Variants in SLC9A5 observed in about 807,000 individuals in gnomAD.
SLC9A5 encodes sodium/hydrogen exchanger 5.
Under a neutral mutation model 91.7 loss-of-function variants are expected in SLC9A5, and 52 were observed. The observed-to-expected ratio is 0.57, with a 90% CI of 0.45 to 0.71. The LOEUF (loss-of-function observed/expected upper bound fraction) is 0.71. SLC9A5 is among the 30% of genes least tolerant of loss of function. SLC9A5 has a pLI of 0.00. For missense variants in SLC9A5, 871 were observed against 1,158.9 expected (o/e 0.75, Z 3.61); for synonymous variants, 419 against 474.5 (o/e 0.88, Z 1.52).
chr16:67,260,044 C>G, intron 12 of SLC9A5, 98 bp downstream of exon 12: 1 of 1,491,742 alleles, frequency 6.7e-7, no homozygotes, highest in East Asian at 2.4e-5. Flanking sequence ...GCTGCAGATG[C>G]CCAGCTAAAG....
chr16:67,249,245 AC>A, intron 1 of SLC9A5, 44 bp downstream of exon 1: 1 of 1,345,548 alleles, frequency 7.4e-7, no homozygotes, highest in Non-Finnish European at 9.6e-7. Flanking sequence ...CCAGCGGCGG[AC>A]CCGCCCCCAA....
At position 67,266,181 on chromosome 16, in the gene SLC9A5, T is replaced by A; in HGVS notation, c.2174T>A (p.Val725Glu). 1 of 1,609,756 alleles carries A rather than the reference T, an allele frequency of 6.2e-7. No individual in the cohort carries two copies. Residue 725 changes from valine to glutamate, a missense_variant, in exon 15 of 16, where the codon GTG becomes GAG. Coordinates refer to ENST00000299798, the MANE Select transcript of SLC9A5 (RefSeq NM_004594.3). ...GAGGACGATGAGGGGATCATCTTTGTGGCTCGTGCCACCAGTGAGGTTCTC... is the reference window on the plus strand; with the variant it reads ...GAGGACGATGAGGGGATCATCTTTGAGGCTCGTGCCACCAGTGAGGTTCTC... Reference protein sequence around the residue: ...EKEDDEGIIFVARATSEVLQE... With the variant: ...EKEDDEGIIFEARATSEVLQE...
chr16:67,260,525 C>T (rs1422313013), intron 12 of SLC9A5, among the ~76,000 whole-genome samples: 1 of 152,006 alleles, frequency 6.6e-6, no homozygotes, highest in African/African-American at 2.4e-5. Context: ...AGTTGAGAAG[C>T]TGGGACAGCC....
At chr16:67,263,622 A>G (rs893560014) in intron 12 of SLC9A5, 1 of 152,214 alleles carries the variant, frequency 6.6e-6, no homozygotes, top group African/African-American at 2.4e-5. Context: ...TGTCTCTACT[A>G]AAAATACAAA....
In SLC9A5 at chr16:67,258,793, C is replaced by T. The variant is rs539110884; in HGVS notation, c.1626+346C>T. On this transcript the variant is annotated intron_variant, in intron 10 of 15. Transcript: ENST00000299798. The surrounding 1 kb of genome is among the most constrained non-coding windows in gnomAD (Gnocchi z 4.5). ...GGGCACGGTGGCTCACGCCTGTAAT[C>T]CCAGCACTGTGGGAGCCTGAGGTGG... 7.6e-4 allele frequency among the ~76,000 whole-genome samples: 116 copies of T among 152,306 alleles called. No homozygotes were observed. The highest frequency in any genetic ancestry group is 2.4e-3 in the African/African-American group (101 of 41,556).
intron 15 of SLC9A5, among the ~76,000 whole-genome samples, chr16:67,268,823 C>A (rs1212326003): frequency 6.7e-6 from 1 of 149,676 alleles, no homozygotes; most frequent in Non-Finnish European, 1.5e-5. Context: ...TGCCCAGAGA[C>A]ATTTTTGGTT....
rs1426337337 is a variant in SLC9A5, at chr16:67,264,326, T to C, written c.1843-26T>C. The C allele has an allele frequency of 3.7e-6, 6 of 1,610,630 alleles. No individual in the cohort carries two copies. In the Middle Eastern group the frequency reaches 5.4e-4, roughly 144 times the overall value. ...TGGGAGGCCAAGGCATCCATCCTCATAGCCAGGCGGGGCTGTCATTGCCAG... is the reference window on the plus strand; with the variant it reads ...TGGGAGGCCAAGGCATCCATCCTCACAGCCAGGCGGGGCTGTCATTGCCAG... On this transcript the variant is annotated intron_variant, in intron 12 of 15. Transcript: ENST00000299798.
chr16:67,256,200 C>G lies in SLC9A5; in HGVS notation c.912-269C>G, dbSNP rs924950141. On this transcript the variant is annotated intron_variant, in intron 5 of 15. Transcript: ENST00000299798. The surrounding 1 kb of genome is among the most constrained non-coding windows in gnomAD (Gnocchi z 4.1). ...GCCTGGGGCCACCAGCTCTGGAGGC[C>G]GCAGCACTCCAGAAGGTGCATTAGA... 6.6e-6 allele frequency among the ~76,000 whole-genome samples: 1 copy of G among 152,106 alleles called. No individual in the cohort carries two copies. Among genetic ancestry groups the G allele is most frequent in the Non-Finnish European group, 1.5e-5 (1 of 68,014 alleles).
rs557881561 is a variant in SLC9A5, at chr16:67,255,567, G to A, written c.733+96G>A. ...CGCATCAGGACAGAAGAGGCTATTCGGGTTGCCTCATCTCCTCTATAGAGA... is the reference window on the plus strand; with the variant it reads ...CGCATCAGGACAGAAGAGGCTATTCAGGTTGCCTCATCTCCTCTATAGAGA... On this transcript the variant is annotated intron_variant, in intron 4 of 15. Coordinates refer to ENST00000299798, the MANE Select transcript of SLC9A5 (RefSeq NM_004594.3). The surrounding 1 kb of genome is among the most constrained non-coding windows in gnomAD (Gnocchi z 4.9). 50 of 1,388,836 alleles carry A rather than the reference G, an allele frequency of 3.6e-5. No individual in the cohort carries two copies. In the East Asian group the frequency reaches 3.7e-4, roughly 10 times the overall value. 86.0% of individuals were successfully genotyped at this position (1,388,836 alleles called of 1,614,324 possible).
At position 67,265,032 on chromosome 16, in the gene SLC9A5, G is replaced by T; in HGVS notation, c.2014-8G>T. 1 of 1,614,146 alleles carries T rather than the reference G, an allele frequency of 6.2e-7. No homozygotes were observed. Among genetic ancestry groups the T allele is most frequent in the Non-Finnish European group, 8.5e-7 (1 of 1,180,006 alleles). On this transcript the variant is annotated splice_region_variant and splice_polypyrimidine_tract_variant and intron_variant, in intron 13 of 15. Coordinates refer to ENST00000299798, the MANE Select transcript of SLC9A5 (RefSeq NM_004594.3). Reference sequence around the variant, plus strand: ...CCAGAGGCTCAGGTTTTCTTTCTTGGTCCTCAGAAGGATGGTGTGGCGAAT... The same window carrying T: ...CCAGAGGCTCAGGTTTTCTTTCTTGTTCCTCAGAAGGATGGTGTGGCGAAT...
intron 15 of SLC9A5, among the ~76,000 whole-genome samples, chr16:67,269,193 G>A (rs2035840300): frequency 6.6e-6 from 1 of 152,006 alleles, no homozygotes. Flanking sequence ...GGAGGCCAAG[G>A]TGTGCAGATC....
chr16:67,256,753 T>A lies in SLC9A5; in HGVS notation c.1132+64T>A. 1 of 1,393,254 alleles carries A rather than the reference T, an allele frequency of 7.2e-7. No individual in the cohort carries two copies. Among genetic ancestry groups the A allele is most frequent in the Non-Finnish European group, 1.0e-6 (1 of 985,286 alleles). The allele number at this position is 1,393,254 out of a possible 1,614,324, so 86.3% of individuals were successfully genotyped here. On this transcript the variant is annotated intron_variant, in intron 6 of 15. Transcript: ENST00000299798. The surrounding 1 kb of genome is among the most constrained non-coding windows in gnomAD (Gnocchi z 4.1). ...GTCCCGCCCCTCCCTGCAGCTCATC[T>A]CCCTATCTGAGTCCACATCTTTGTC...
chr16:67,258,585 G>T lies in SLC9A5; in HGVS notation c.1626+138G>T. The T allele has an allele frequency of 9.9e-7, 1 of 1,007,194 alleles. No individual in the cohort carries two copies. The highest frequency in any genetic ancestry group is 3.2e-4 in the Middle Eastern group (1 of 3,172). The allele number at this position is 1,007,194 out of a possible 1,614,324, so 62.4% of individuals were successfully genotyped here. On this transcript the variant is annotated intron_variant, in intron 10 of 15. Transcript: ENST00000299798. This position sits in a 1 kb window ranked among gnomAD's most constrained non-coding sequence, Gnocchi z 4.5. ...GCTGGCTCCATGGTCTGGTGAAGTG[G>T]CAGCGGCAGGAAGCAGCTGGGTCTG...
Position 67,265,059 on chromosome 16 carries a change from C to T in SLC9A5, c.2033C>T (p.Ala678Val). 6.2e-7 allele frequency: 1 copy of T among 1,614,104 alleles called. No homozygotes were observed. Among genetic ancestry groups the T allele is most frequent in the Non-Finnish European group, 8.5e-7 (1 of 1,180,012 alleles). Residue 678 changes from alanine (A) to valine (V), a missense_variant, in exon 14 of 16, where the codon GCT becomes GTT. This residue lies in a region of SLC9A5 where 295 missense variants were observed against 326.0 expected (regional missense o/e 0.90). Coordinates refer to ENST00000299798, the MANE Select transcript of SLC9A5 (RefSeq NM_004594.3). ...CCTCAGAAGGATGGTGTGGCGAATGCTGAGGCTACAAATGGGAAACATCGA... is the reference window on the plus strand; with the variant it reads ...CCTCAGAAGGATGGTGTGGCGAATGTTGAGGCTACAAATGGGAAACATCGA... ...GRRKKDGVAN[A>V]EATNGKHRGL... is the part of the protein sequence containing the mutation.
At position 67,266,026 on chromosome 16, in the gene SLC9A5, G is replaced by A. The variant is rs957512794; in HGVS notation, c.2081-62G>A. 15 of 1,599,206 alleles carry A rather than the reference G, an allele frequency of 9.4e-6. No homozygotes were observed. The African/African-American group carries it at 1.6e-4, about 17-fold the overall frequency. On this transcript the variant is annotated intron_variant, in intron 14 of 15. Coordinates refer to ENST00000299798, the MANE Select transcript of SLC9A5 (RefSeq NM_004594.3). ...GGAGACAGGGAGCTGGCTTGGGGCT[G>A]TGTAGTCCCAACAGGCAGCTGCCAG...
At chr16:67,262,665 G>C (rs530580837) in intron 12 of SLC9A5, 10 of 218,774 alleles carry the variant, frequency 4.6e-5, no homozygotes, top group Non-Finnish European at 8.5e-5. Context: ...CTGGGGCAGA[G>C]AGAATGGATA....
At chr16:67,265,016 C>A (rs2035653459) in intron 13 of SLC9A5, 24 bp from the exon 14 acceptor site, 1 of 1,613,746 alleles carries the variant, frequency 6.2e-7, no homozygotes, top group African/African-American at 1.3e-5. Flanking sequence ...GCCAGAGGCT[C>A]AGGTTTTCTT....
Position 67,259,567 on chromosome 16 carries a change from C to T in SLC9A5, c.1627-6C>T. The T allele has an allele frequency of 6.2e-7, 1 of 1,613,496 alleles. No individual in the cohort carries two copies. Among genetic ancestry groups the T allele is most frequent in the South Asian group, 1.1e-5 (1 of 91,070 alleles). ...TGCTGGCTGACCTTGGTCTTGACAC[C>T]TGCAGGGAGGCCACGTCTTGTCTTC... On this transcript the variant is annotated splice_polypyrimidine_tract_variant and splice_region_variant and intron_variant, in intron 10 of 15. Coordinates refer to ENST00000299798, the MANE Select transcript of SLC9A5 (RefSeq NM_004594.3).
chr16:67,252,392 G>A lies in SLC9A5; in HGVS notation c.188-150G>A. On this transcript the variant is annotated intron_variant, in intron 1 of 15. Transcript: ENST00000299798. The surrounding 1 kb of genome is among the most constrained non-coding windows in gnomAD (Gnocchi z 4.0). ...TTGAACCCGGGAGGTGAAGGTTGCA[G>A]TGAGCTGAGATTGTGCTACTGCACT... 1.5e-6 allele frequency: 1 copy of A among 686,426 alleles called. No homozygotes were observed. The highest frequency in any genetic ancestry group is 2.5e-6 in the Non-Finnish European group (1 of 406,784). 42.5% of individuals were successfully genotyped at this position (686,426 alleles called of 1,614,324 possible).
Sources: gnomAD v4.1 joint callset for allele counts (sites outside exome capture counted in the v4.1 genomes callset) on GRCh38, gnomAD v4.1.1 for gene constraint, gnomAD v4.1.1 regional missense constraint, Gnocchi (gnomAD v3.1) non-coding constraint, MANE v1.5 for transcripts, NCBI Gene and HGNC (gene_info 2026-07-23, HGNC 2026-07-21) for gene names.